Variants in LY75 observed in about 807,000 individuals in gnomAD.
The protein encoded by LY75 is lymphocyte antigen 75.
In LY75, 185 loss-of-function variants were observed where a neutral mutation model predicts 231.7. The ratio of observed to expected loss-of-function variants is 0.80; its 90% confidence interval spans 0.71 to 0.90. The LOEUF is 0.90. LY75 is among the 40% of genes least tolerant of loss of function. The probability of loss-of-function intolerance (pLI) is 0.00; values close to 1 mark genes in which losing one functional copy is unlikely to be tolerated. For missense variants in LY75, 1,947 were observed against 2,050.2 expected, an observed-to-expected ratio of 0.95 and a Z score of 0.97; for synonymous variants, 668 against 689.0, an observed-to-expected ratio of 0.97 and a Z score of 0.48.
rs774719953 is a variant in LY75 at position 159,879,343 on chromosome 2, A to T, written c.1431T>A (p.Cys477Ter). The T allele has an allele frequency of 5.6e-6, 9 of 1,613,328 alleles. No individual in the cohort carries two copies. The highest frequency in any genetic ancestry group is 7.6e-6 in the Non-Finnish European group (9 of 1,179,800). ...GELGQWKVQS[C>*]EEKLKYVCKR... ...TGCATACATATTTTAGTTTCTCCTCACATGATTGGACTTTCCACTGACCTA... is the reference window on the plus strand; with the variant it reads ...TGCATACATATTTTAGTTTCTCCTCTCATGATTGGACTTTCCACTGACCTA... The change falls in exon 9 of 35, where the codon TGT becomes TGA. Residue 477 changes from cysteine (C) to a stop codon, truncating the protein, a stop_gained. Transcript: ENST00000263636. LOFTEE classifies it high-confidence loss of function.
chr2:159,903,916 C>A (rs2136969), intron 1 of LY75, among the ~76,000 whole-genome samples: 34,089 of 152,150 alleles, frequency 0.22, 4,229 homozygotes, highest in Admixed American at 0.37. Flanking sequence ...CCCAAGCAGG[C>A]GACCTGCCCT....
intron 28 of LY75, among the ~76,000 whole-genome samples, chr2:159,831,342 T>A (rs1683652082): frequency 6.6e-6 from 1 of 152,248 alleles, no homozygotes; most frequent in Non-Finnish European, 1.5e-5. Context: ...TTCCTGAGGC[T>A]GCCCAGCCAT....
At chr2:159,837,843 C>A (rs1683879799) in intron 25 of LY75, among the ~76,000 whole-genome samples, 1 of 152,192 alleles carries the variant, frequency 6.6e-6, no homozygotes. Context: ...GACTTGGTCG[C>A]CTTGCTCCTC....
intron 19 of LY75, 56 bp downstream of exon 19, chr2:159,853,574 G>A (rs186711270): frequency 2.5e-6 from 4 of 1,607,322 alleles, no homozygotes; most frequent in Admixed American, 1.7e-5. Flanking sequence ...TTAGTAAAAG[G>A]AACTGCTTCT....
chr2:159,891,329 C>T (rs1414101179), intron 3 of LY75, among the ~76,000 whole-genome samples: 2 of 152,186 alleles, frequency 1.3e-5, no homozygotes, highest in Admixed American at 6.5e-5. Context: ...TGTTGATCCT[C>T]TGATGGCACA....
chr2:159,825,787 T>A (rs62175256), intron 28 of LY75, among the ~76,000 whole-genome samples: 61,913 of 151,694 alleles, frequency 0.41, 14,274 homozygotes, highest in Non-Finnish European at 0.52. Context: ...ATATCTGGGA[T>A]GAAAGACTGG....
At chr2:159,879,133 C>G in intron 9 of LY75, 126 bp downstream of exon 9, 7 of 1,121,812 alleles carry the variant, frequency 6.2e-6, no homozygotes, top group Non-Finnish European at 6.2e-6. Context: ...CTTGTTCTAA[C>G]TTAAATGAAC....
intron 34 of LY75, among the ~76,000 whole-genome samples, chr2:159,806,693 T>C (rs536500946): frequency 6.6e-6 from 1 of 152,314 alleles, no homozygotes; most frequent in South Asian, 2.1e-4. Context: ...CTCAAGAACA[T>C]TTTAAAAGAA....
At position 159,853,666 on chromosome 2, in the gene LY75, C is replaced by T. The variant is rs1560082648; in HGVS notation, c.2627G>A (p.Arg876Lys). 1.2e-6 allele frequency: 2 copies of T among 1,613,560 alleles called. No individual in the cohort carries two copies. The highest frequency in any genetic ancestry group is 2.2e-5 in the South Asian group (2 of 91,082). Residue 876 changes from arginine to lysine, a missense_variant, in exon 19 of 35, where the codon AGA (arginine) becomes AAA (lysine). Coordinates refer to ENST00000263636, the MANE Select transcript of LY75 (RefSeq NM_002349.4). ...ISGDGQKWWI[R>K]ISEWPIDDHF... is the part of the protein sequence containing the mutation. Reference sequence around the variant, plus strand: ...ATCATCTATTGGCCACTCGCTAATTCTTATCCACCACTTCTGTCCATCACC... The same window carrying T: ...ATCATCTATTGGCCACTCGCTAATTTTTATCCACCACTTCTGTCCATCACC...
chr2:159,875,776 A>C lies in LY75; in HGVS notation c.1775-133T>G, dbSNP rs1015661757. 224 of 1,107,542 alleles carry C rather than the reference A, an allele frequency of 2.0e-4. 1 individual carries two copies. Among genetic ancestry groups the C allele is most frequent in the Non-Finnish European group, 2.6e-4 (204 of 790,450 alleles). 68.6% of individuals were successfully genotyped at this position (1,107,542 alleles called of 1,614,324 possible). Reference sequence around the variant, plus strand: ...AAAAATGGAACAAAGAGAGGAAAGAAATATGTTGTTCAGAATAATAATGAC... The same window carrying C: ...AAAAATGGAACAAAGAGAGGAAAGACATATGTTGTTCAGAATAATAATGAC... On this transcript the variant is annotated intron_variant, in intron 11 of 34. Coordinates refer to ENST00000263636, the MANE Select transcript of LY75 (RefSeq NM_002349.4).
At chr2:159,847,048 G>C (rs1462942944) in intron 23 of LY75, among the ~76,000 whole-genome samples, 1 of 152,060 alleles carries the variant, frequency 6.6e-6, no homozygotes, top group Non-Finnish European at 1.5e-5. Flanking sequence ...ATCTCGCTCT[G>C]TCGCCCAGGC....
In LY75 at chr2:159,816,889, G is replaced by A. The variant is rs771872817; in HGVS notation, c.4297C>T (p.His1433Tyr). The stretch of plus-strand genomic sequence containing the variant: ...AGAAAGAGCTGGCCATTTTGGTTGT[G>A]AACGCTTGCCAAGTGACCTCCACTT... Reference protein sequence around the residue: ...SQSGGHLASVHNQNGQLFLED... With the variant: ...SQSGGHLASVYNQNGQLFLED... Residue 1433 changes from histidine to tyrosine, a missense_variant, in exon 30 of 35, where the codon CAC becomes TAC. His to Tyr is a moderately conservative substitution (Grantham distance 83). Transcript: ENST00000263636. 1 of 1,614,184 alleles carries A rather than the reference G, an allele frequency of 6.2e-7. No individual in the cohort carries two copies. Among genetic ancestry groups the A allele is most frequent in the Admixed American group, 1.7e-5 (1 of 60,034 alleles).
intron 28 of LY75, among the ~76,000 whole-genome samples, chr2:159,830,880 C>T (rs1683634567): frequency 6.6e-6 from 1 of 152,182 alleles, no homozygotes; most frequent in Non-Finnish European, 1.5e-5. Context: ...CTACACCTGG[C>T]CATGTGTCTC....
chr2:159,889,451 C>A (rs774533281), intron 4 of LY75, among the ~76,000 whole-genome samples: 1 of 151,938 alleles, frequency 6.6e-6, no homozygotes, highest in Non-Finnish European at 1.5e-5. Flanking sequence ...TGGTTTCAAA[C>A]CCCTGGCTTC....
intron 13 of LY75, among the ~76,000 whole-genome samples, chr2:159,867,535 A>G (rs1451152660): frequency 2.6e-5 from 4 of 152,200 alleles, no homozygotes; most frequent in African/African-American, 9.6e-5. Context: ...TTTTAAAACT[A>G]TTGGGTTAAG....
chr2:159,890,472 T>A, intron 3 of LY75, 95 bp from the exon 4 acceptor site: 2 of 1,532,062 alleles, frequency 1.3e-6, no homozygotes, highest in Non-Finnish European at 1.8e-6. Flanking sequence ...ATTTGCATAC[T>A]CTTAGGATAT....
At chr2:159,894,936 T>C (rs1006739653) in intron 2 of LY75, among the ~76,000 whole-genome samples, 1 of 152,212 alleles carries the variant, frequency 6.6e-6, no homozygotes, top group East Asian at 1.9e-4. Context: ...TATCCCTGTA[T>C]CCCTGTCACA....
intron 3 of LY75, among the ~76,000 whole-genome samples, chr2:159,890,821 C>G (rs1685731178): frequency 6.6e-6 from 1 of 152,048 alleles, no homozygotes; most frequent in Non-Finnish European, 1.5e-5. Context: ...CTTAAATGGC[C>G]AAGATATTGA....
At chr2:159,820,894 C>T (rs1683264766) in intron 28 of LY75, among the ~76,000 whole-genome samples, 1 of 152,144 alleles carries the variant, frequency 6.6e-6, no homozygotes, top group African/African-American at 2.4e-5. Flanking sequence ...GGCTGGAGTG[C>T]AGTGGCACGA....
Sources: gnomAD v4.1 joint callset for allele counts (sites outside exome capture counted in the v4.1 genomes callset) on GRCh38, gnomAD v4.1.1 for gene constraint, MANE v1.5 for transcripts, NCBI Gene and HGNC (gene_info 2026-07-23, HGNC 2026-07-21) for gene names.